Variants in EYA3 observed in about 807,000 individuals in gnomAD.
The protein encoded by EYA3 is protein phosphatase EYA3.
Under a neutral mutation model 80.0 loss-of-function variants are expected in EYA3, and 39 were observed. That is an observed-to-expected ratio of 0.49 (90% confidence interval 0.38 to 0.64). The LOEUF is 0.64. Among genes scored for constraint, EYA3 ranks in the 30% least tolerant of loss-of-function variants. The pLI is 0.00. For missense variants in EYA3, 523 were observed against 676.1 expected (o/e 0.77, Z 2.51); for synonymous variants, 206 against 232.8 (o/e 0.88, Z 1.05).
chr1:27,998,004 T>G (rs971965593), intron 12 of EYA3, among the ~76,000 whole-genome samples: 8 of 152,214 alleles, frequency 5.3e-5, no homozygotes, highest in Non-Finnish European at 1.2e-4. Context: ...GTTTTCTGCT[T>G]CTTTTTTTCC....
At chr1:27,986,571 A>G (rs932501046) in intron 16 of EYA3, among the ~76,000 whole-genome samples, 4 of 150,122 alleles carry the variant, frequency 2.7e-5, no homozygotes, top group African/African-American at 9.8e-5. Context: ...CTAATTTTGT[A>G]TTTTTAGTAG....
Position 27,997,390 on chromosome 1 carries a change from C to T in EYA3, c.1084-12G>A. ...ACCTGGTCACACTCCTGTTAAAAGACAAAACATATTACTTCAGTCCAGGGA... is the reference window on the plus strand; with the variant it reads ...ACCTGGTCACACTCCTGTTAAAAGATAAAACATATTACTTCAGTCCAGGGA... On this transcript the variant is annotated splice_polypyrimidine_tract_variant and intron_variant, in intron 12 of 17. Coordinates refer to ENST00000373871, the MANE Select transcript of EYA3 (RefSeq NM_001990.4). The T allele has an allele frequency of 5.6e-6, 9 of 1,612,912 alleles. No homozygotes were observed. The highest frequency in any genetic ancestry group is 7.6e-6 in the Non-Finnish European group (9 of 1,178,900).
chr1:28,068,381 C>T (rs1644908511), intron 1 of EYA3, among the ~76,000 whole-genome samples: 1 of 151,380 alleles, frequency 6.6e-6, no homozygotes, highest in Admixed American at 6.6e-5. Context: ...CCTTAGGCTA[C>T]TTATTCCTTT....
intron 1 of EYA3, among the ~76,000 whole-genome samples, chr1:28,061,523 AAAG>A (rs1189948957): frequency 1.3e-5 from 2 of 152,216 alleles, no homozygotes; most frequent in African/African-American, 4.8e-5. Context: ...CTTGGTAATA[AAAG>A]AAGTACAGAA....
At chr1:27,996,029 C>T (rs368713321) in intron 13 of EYA3, among the ~76,000 whole-genome samples, 4 of 152,048 alleles carry the variant, frequency 2.6e-5, no homozygotes, top group Admixed American at 1.3e-4. Context: ...CATGCCACCA[C>T]GCCTGGCTAA....
chr1:28,021,574 T>A (rs1642437585), intron 7 of EYA3, among the ~76,000 whole-genome samples: 1 of 151,960 alleles, frequency 6.6e-6, no homozygotes, highest in African/African-American at 2.4e-5. Context: ...ACATCTATCT[T>A]GTGTGCACTA....
chr1:27,997,291 T>C, intron 13 of EYA3, 29 bp downstream of exon 13: 1 of 1,598,092 alleles, frequency 6.3e-7, no homozygotes, highest in Non-Finnish European at 8.6e-7. Flanking sequence ...ACAGGTGTAC[T>C]GGTGTTCAAG....
At position 27,997,321 on chromosome 1, in the gene EYA3, T is replaced by G. The variant is rs755994642; in HGVS notation, c.1141A>C (p.Ser381Arg). 3 of 1,613,912 alleles carry G rather than the reference T, an allele frequency of 1.9e-6. No homozygotes were observed. The Admixed American group carries it at 5.0e-5, about 27-fold the overall frequency. The change falls in exon 13 of 18, where the codon AGC becomes CGC. Residue 381 changes from serine (S) to arginine (R), a missense_variant and splice_region_variant. Transcript: ENST00000373871. Reference protein sequence around the residue: ...VASDDNGQDLSNYSFSTDGFS... With the variant: ...VASDDNGQDLRNYSFSTDGFS... ...TTCAAGAATCATTATGTTTATCACC[T>G]CAAGTCTTGGCCATTGTCATCAGAA...
Position 28,016,566 on chromosome 1 carries a change from A to G in EYA3, c.585+588T>C, listed in dbSNP as rs898730318. On this transcript the variant is annotated intron_variant, in intron 8 of 17. Coordinates refer to ENST00000373871, the MANE Select transcript of EYA3 (RefSeq NM_001990.4). ...AAAAAAAAAAAGCAAAACCAGTATA[A>G]TAACCAGAATAGTAATGTTAACTGT... Among the ~76,000 whole-genome samples the G allele has an allele frequency of 8.6e-5, 13 of 151,814 alleles. No individual in the cohort carries two copies. The South Asian group carries it at 1.2e-3, about 15-fold the overall frequency.
chr1:28,042,890 G>C (rs949609760), intron 3 of EYA3, among the ~76,000 whole-genome samples: 2 of 151,960 alleles, frequency 1.3e-5, no homozygotes, highest in Non-Finnish European at 2.9e-5. Flanking sequence ...TGTCACCCAG[G>C]CTCGAGTGCA....
intron 2 of EYA3, among the ~76,000 whole-genome samples, chr1:28,049,290 AC>A (rs1644152350): frequency 6.6e-6 from 1 of 152,352 alleles, no homozygotes; most frequent in African/African-American, 2.4e-5. Flanking sequence ...TCATGAGAAT[AC>A]ACAACCATGA....
In EYA3 at chr1:28,042,575, C is replaced by T; in HGVS notation, c.153G>A (p.Glu51=). The T allele has an allele frequency of 6.2e-7, 1 of 1,613,372 alleles. No individual in the cohort carries two copies. The highest frequency in any genetic ancestry group is 8.5e-7 in the Non-Finnish European group (1 of 1,179,320). The change falls in exon 4 of 18, where the codon GAG becomes GAA. Residue 51 remains glutamate, a synonymous_variant. Coordinates refer to ENST00000373871, the MANE Select transcript of EYA3 (RefSeq NM_001990.4). ...SSLASNLPMS[E]EIMTCTDYIP... ...TGCACAGAATATGGTACTTACTTTC[C>T]TCTGACATGGGAAGGTTTGAAGCAA...
At chr1:28,038,439 T>TAAAAAAAAAAAAAAAAAAAAAAAAAAAG in intron 5 of EYA3, among the ~76,000 whole-genome samples, 1 of 68,480 alleles carries the variant, frequency 1.5e-5, no homozygotes, top group Non-Finnish European at 2.9e-5. Flanking sequence ...GATTCTATCT[T>TAAAAAAAAAAAAAAAAAAAAAAAAAAAG]AAAAAAAAAA....
At position 28,030,241 on chromosome 1, in the gene EYA3, T is replaced by G. The variant is rs1643056477; in HGVS notation, c.362-2315A>C. On this transcript the variant is annotated intron_variant, in intron 6 of 17. Transcript: ENST00000373871. ...ATTTGTTGATAAGTACATTTAGGAA[T>G]AGTAAAGAGAAATATGAAAGTCTTA... 4.6e-5 allele frequency among the ~76,000 whole-genome samples: 7 copies of G among 152,292 alleles called. No individual in the cohort carries two copies. The South Asian group carries it at 1.5e-3, about 32-fold the overall frequency.
At chr1:28,069,592 G>A (rs1405138048) in intron 1 of EYA3, among the ~76,000 whole-genome samples, 2 of 150,044 alleles carry the variant, frequency 1.3e-5, no homozygotes, top group Admixed American at 1.3e-4. Context: ...AAAAAAAAGA[G>A]GGTGGGAGGG....
chr1:28,052,651 G>A (rs942092326), intron 2 of EYA3, among the ~76,000 whole-genome samples: 1 of 152,138 alleles, frequency 6.6e-6, no homozygotes, highest in Non-Finnish European at 1.5e-5. Context: ...CTCATCACTT[G>A]TAAAAATATA....
chr1:28,081,921 G>C (rs539752608), intron 1 of EYA3, among the ~76,000 whole-genome samples: 7 of 152,090 alleles, frequency 4.6e-5, no homozygotes, highest in Non-Finnish European at 1.0e-4. Context: ...ACATTGCTTT[G>C]AATGTGGAAG....
rs371840536 is a variant in EYA3 at position 28,063,352 on chromosome 1, C to CTTTTT, written c.-68-5263_-68-5259dup. On this transcript the variant is annotated intron_variant, in intron 1 of 17. Coordinates refer to ENST00000373871, the MANE Select transcript of EYA3 (RefSeq NM_001990.4). ...TTTTGGGGGGGGAAATAACTAAAAC[C>CTTTTT]TTTTTTTTTTTTTTTTTTTTTGGAG... 2.7e-4 allele frequency among the ~76,000 whole-genome samples: 25 copies of CTTTTT among 93,522 alleles called. 1 individual carries two copies. Among genetic ancestry groups the CTTTTT allele is most frequent in the African/African-American group, 3.6e-4 (8 of 21,920 alleles). 61.4% of individuals were successfully genotyped at this position (93,522 alleles called of 152,430 possible). A position where few individuals can be genotyped will look rare whatever the true frequency, so the allele number is the denominator to read the frequency against.
In EYA3 at chr1:27,971,881, T is replaced by C. The variant is rs1638748558; in HGVS notation, c.*2585A>G. The stretch of plus-strand genomic sequence containing the variant: ...TTTTGGCAAACAGCCAAGAAGCTCC[T>C]GTTTTCTCTCTTCCATTTAAATGAG... On this transcript the variant is annotated 3_prime_UTR_variant, in exon 18 of 18. Coordinates refer to ENST00000373871, the MANE Select transcript of EYA3 (RefSeq NM_001990.4). 3 of 152,226 alleles carry C rather than the reference T, an allele frequency of 2.0e-5. No homozygotes were observed. The highest frequency in any genetic ancestry group is 7.2e-5 in the African/African-American group (3 of 41,446). The allele number at this position is 152,226 out of a possible 1,614,324, so 9.4% of individuals were successfully genotyped here. A position where few individuals can be genotyped will look rare whatever the true frequency, so the allele number is the denominator to read the frequency against.
Sources: allele counts gnomAD v4.1 joint callset (sites outside exome capture counted in the v4.1 genomes callset), GRCh38; gene constraint gnomAD v4.1.1; transcripts MANE v1.5; gene names NCBI Gene and HGNC (gene_info 2026-07-23, HGNC 2026-07-21).